C3orf52: variants seen among roughly 807,000 people sequenced by gnomAD.
C3orf52 encodes the protein TPA-induced transmembrane protein.
Under a neutral mutation model 24.8 loss-of-function variants are expected in C3orf52, and 22 were observed. The ratio of observed to expected loss-of-function variants is 0.89; its 90% CI spans 0.63 to 1.27. C3orf52 has a LOEUF of 1.27. C3orf52 is among the 50% of genes most tolerant of loss of function. The pLI, the probability that C3orf52 is intolerant of heterozygous loss-of-function variation, is 0.00. For synonymous variants in C3orf52, 93 were observed against 100.2 expected, an observed-to-expected ratio of 0.93 and a Z score of 0.43; for missense variants, 265 against 260.7, an observed-to-expected ratio of 1.02 and a Z score of -0.11.
chr3:112,101,540 C>T (rs948247475), intron 2 of C3orf52, among the ~76,000 whole-genome samples: 4 of 152,112 alleles, frequency 2.6e-5, no homozygotes, highest in African/African-American at 4.8e-5. Context: ...CCCCTCTCAT[C>T]AGGGGAAAAT....
intron 4 of C3orf52, chr3:112,123,229 T>G: frequency 1.3e-6 from 1 of 757,616 alleles, no homozygotes; most frequent in Non-Finnish European, 2.0e-6. Context: ...GAACCAAAGA[T>G]GGTTACCTCT....
chr3:112,115,403 C>CA (rs2074125863), intron 5 of C3orf52, among the ~76,000 whole-genome samples: 2 of 152,146 alleles, frequency 1.3e-5, no homozygotes, highest in Admixed American at 1.3e-4. Flanking sequence ...GTTCTTACGC[C>CA]AGTTTCTACG....
At chr3:112,090,946 G>A (rs1028461799) in intron 1 of C3orf52, among the ~76,000 whole-genome samples, 15 of 152,186 alleles carry the variant, frequency 9.9e-5, no homozygotes, top group African/African-American at 1.9e-4. Flanking sequence ...TCTTTTTCCC[G>A]TGTGGCTTCC....
downstream of C3orf52, chr3:112,121,794 C>T (rs2074205682): frequency 6.6e-6 from 1 of 152,188 alleles, no homozygotes; most frequent in Non-Finnish European, 1.5e-5. Context: ...AAGCTCAAGC[C>T]ATTGCATTTC....
chr3:112,133,450 C>T (rs182902357), downstream of C3orf52: 3 of 280,934 alleles, frequency 1.1e-5, no homozygotes, highest in East Asian at 2.4e-4. Flanking sequence ...GGAGTTTTTC[C>T]ACTACAGATA....
chr3:112,125,502 C>A (rs1440087647), intron 4 of C3orf52, among the ~76,000 whole-genome samples: 1 of 152,152 alleles, frequency 6.6e-6, no homozygotes, highest in African/African-American at 2.4e-5. Context: ...GAAAGGAAAT[C>A]ACGATTTCTT....
chr3:112,108,767 A>G (rs1421297333), intron 3 of C3orf52, among the ~76,000 whole-genome samples: 1 of 152,262 alleles, frequency 6.6e-6, no homozygotes. Flanking sequence ...AACACAAATT[A>G]TATTTTGTTA....
At chr3:112,120,018 G>A (rs1380956653), downstream of C3orf52, among the ~76,000 whole-genome samples, 1 of 152,222 alleles carries the variant, frequency 6.6e-6, no homozygotes, top group Non-Finnish European at 1.5e-5. Context: ...TCCCTAAGGA[G>A]CACAAGTGAT....
At chr3:112,115,413 G>A (rs953067243) in intron 5 of C3orf52, among the ~76,000 whole-genome samples, 5 of 152,152 alleles carry the variant, frequency 3.3e-5, no homozygotes, top group Non-Finnish European at 7.4e-5. Context: ...CAGTTTCTAC[G>A]TGCTCATGAG....
intron 2 of C3orf52, among the ~76,000 whole-genome samples, chr3:112,095,876 A>G (rs2073921500): frequency 6.6e-6 from 1 of 151,996 alleles, no homozygotes; most frequent in Non-Finnish European, 1.5e-5. Context: ...TTCCGTAGGC[A>G]TTTTTTGGGG....
intron 3 of C3orf52, among the ~76,000 whole-genome samples, chr3:112,105,823 CAAAAAA>C (rs761974909): frequency 4.8e-5 from 4 of 83,362 alleles, no homozygotes; most frequent in African/African-American, 1.7e-4. Context: ...ACTTAGTCTC[CAAAAAA>C]AAAAAAAAAA....
chr3:112,098,757 C>T (rs1000188231), intron 2 of C3orf52, among the ~76,000 whole-genome samples: 2 of 152,260 alleles, frequency 1.3e-5, no homozygotes, highest in African/African-American at 2.4e-5. Context: ...CTTTTTATTT[C>T]GTAGATCATG....
At chr3:112,127,817 G>C (rs1036161533) in intron 4 of C3orf52, among the ~76,000 whole-genome samples, 1 of 152,206 alleles carries the variant, frequency 6.6e-6, no homozygotes, top group Non-Finnish European at 1.5e-5. Context: ...TGTTTGAGGA[G>C]AGCATGCGAC....
At chr3:112,097,731 T>C (rs564226822) in intron 2 of C3orf52, among the ~76,000 whole-genome samples, 2 of 152,256 alleles carry the variant, frequency 1.3e-5, no homozygotes, top group Non-Finnish European at 2.9e-5. Context: ...TTTCTTTCCA[T>C]TTTCACCTGT....
At chr3:112,122,672 A>G (rs1482783151), downstream of C3orf52, 1 of 152,184 alleles carries the variant, frequency 6.6e-6, no homozygotes, top group African/African-American at 2.4e-5. Context: ...TCAGTAGGAA[A>G]TCAGGCTCCA....
intron 5 of C3orf52, among the ~76,000 whole-genome samples, chr3:112,113,498 A>G (rs1559976010): frequency 6.6e-6 from 1 of 152,250 alleles, no homozygotes; most frequent in Admixed American, 6.5e-5. Flanking sequence ...TTATGGAGAT[A>G]CTGTGGTTTC....
intron 1 of C3orf52, among the ~76,000 whole-genome samples, chr3:112,088,255 C>T (rs1321150430): frequency 1.3e-5 from 2 of 152,166 alleles, no homozygotes; most frequent in African/African-American, 2.4e-5. Flanking sequence ...GTTAATCATT[C>T]TCTTTTGTCC....
chr3:112,113,113 T>C lies in C3orf52; in HGVS notation c.617T>C (p.Leu206Pro). ...CAGAATATACCTGGTTGTGAGAGTC[T>C]GGGGCTTGATCCAACATCCCTCTTG... ...RDQNIPGCES[L>P]GLDPTSLLLY... The change falls in exon 5 of 6, where the codon CTG becomes CCG. Residue 206 changes from leucine (L) to proline (P), a missense_variant. Physicochemically the swap from Leu to Pro is moderately conservative, Grantham distance 98 (BLOSUM62 -3). Transcript: ENST00000264848. 1.2e-6 allele frequency: 2 copies of C among 1,610,414 alleles called. No homozygotes were observed. Among genetic ancestry groups the C allele is most frequent in the Non-Finnish European group, 8.5e-7 (1 of 1,178,472 alleles).
chr3:112,112,143 C>T (rs2074089385), intron 4 of C3orf52: 1 of 152,142 alleles, frequency 6.6e-6, no homozygotes, highest in Non-Finnish European at 1.5e-5. Context: ...CCATCTTAAA[C>T]CAAAGTAATA....
Sources: allele counts gnomAD v4.1 joint callset (sites outside exome capture counted in the v4.1 genomes callset), GRCh38; gene constraint gnomAD v4.1.1; transcripts MANE v1.5; gene names NCBI Gene and HGNC (gene_info 2026-07-23, HGNC 2026-07-21).